YIPF6: variants seen among roughly 807,000 people sequenced by gnomAD.
YIPF6 encodes protein YIPF6.
Under a neutral mutation model 16.8 loss-of-function variants are expected in YIPF6, and 3 were observed. The ratio of observed to expected loss-of-function variants is 0.18; its 90% confidence interval spans 0.08 to 0.46. YIPF6 has a LOEUF of 0.46. Among genes scored for constraint, YIPF6 ranks in the 20% least tolerant of loss-of-function variants. The pLI is 0.98. For missense variants in YIPF6, 145 were observed against 184.9 expected, an observed-to-expected ratio of 0.78 and a Z score of 1.25; for synonymous variants, 67 against 61.9, an observed-to-expected ratio of 1.08 and a Z score of -0.38.
chrX:68,515,122 C>T (rs1405472869), intron 3 of YIPF6: 1 of 108,645 alleles, frequency 9.2e-6, no homozygotes, highest in Non-Finnish European at 1.9e-5. Context: ...GTCAGGAGAT[C>T]GAGACCATCC....
At position 68,524,101 on chromosome X, in the gene YIPF6, G is replaced by A. The variant is rs1414633698; in HGVS notation, c.592+1184G>A. On this transcript the variant is annotated intron_variant, in intron 6 of 6. Transcript: ENST00000462683. The stretch of plus-strand genomic sequence containing the variant: ...GCAATAGGTGTTCTAAGTGGGAAAT[G>A]GAGATTTATACACAGTACAGTGGGA... Among the ~76,000 whole-genome samples the A allele has an allele frequency of 2.7e-5, 3 of 111,719 alleles. No individual in the cohort carries two copies. In the Admixed American group the frequency reaches 2.9e-4, roughly 11 times the overall value.
At chrX:68,524,171 A>G (rs1021673157) in intron 6 of YIPF6, among the ~76,000 whole-genome samples, 2 of 110,844 alleles carry the variant, frequency 1.8e-5, no homozygotes, top group Non-Finnish European at 3.8e-5. Flanking sequence ...TGTGATGATG[A>G]TGATGATTAG....
chrX:68,522,667 C>T, intron 5 of YIPF6, 93 bp from the exon 6 acceptor site: 1 of 855,298 alleles, frequency 1.2e-6, no homozygotes, highest in African/African-American at 2.1e-5. Context: ...AAGGAGGCAA[C>T]ATTCCGTTAC....
intron 4 of YIPF6, among the ~76,000 whole-genome samples, chrX:68,520,509 A>T (rs1180384627): frequency 8.9e-6 from 1 of 111,740 alleles, no homozygotes; most frequent in Admixed American, 9.6e-5. Context: ...AGTCTCACTC[A>T]GTTACCCAGG....
chrX:68,521,647 T>C (rs1332201339), intron 5 of YIPF6, 150 bp downstream of exon 5: 2 of 539,745 alleles, frequency 3.7e-6, no homozygotes, highest in African/African-American at 4.9e-5. Flanking sequence ...GATCATGGCT[T>C]ACTGCAGCCT....
chrX:68,499,935 C>T (rs180901050), intron 1 of YIPF6, among the ~76,000 whole-genome samples: 186 of 112,351 alleles, frequency 1.7e-3, no homozygotes, highest in Non-Finnish European at 2.5e-3. Context: ...CCACTGTGCC[C>T]GGCCATCTTC....
At chrX:68,522,422 G>A (rs1011207656) in intron 5 of YIPF6, among the ~76,000 whole-genome samples, 6 of 109,534 alleles carry the variant, frequency 5.5e-5, no homozygotes, top group African/African-American at 2.0e-4. Flanking sequence ...TCAGCCTCCT[G>A]AGTAGCTGGG....
intron 3 of YIPF6, among the ~76,000 whole-genome samples, chrX:68,517,357 G>A (rs938063656): frequency 9.0e-6 from 1 of 110,834 alleles, no homozygotes; most frequent in African/African-American, 3.3e-5. Flanking sequence ...ATGTTGCCCA[G>A]GCAGGTCTCA....
rs1383854756 is a variant in YIPF6, at chrX:68,536,880, A to C, written c.*4881A>C. ...ATTCTCCCAGAGGGATGGTTAATGC[A>C]TCACAATTTAACTTGTCTATTCAGG... On this transcript the variant is annotated 3_prime_UTR_variant, in exon 7 of 7. Transcript: ENST00000462683. The C allele has an allele frequency of 8.9e-6, 1 of 112,407 alleles. No individual in the cohort carries two copies. The highest frequency in any genetic ancestry group is 3.2e-5 in the African/African-American group (1 of 30,917). The allele number at this position is 112,407 out of a possible 1,213,427, so 9.3% of individuals were successfully genotyped here. A position where few individuals can be genotyped will look rare whatever the true frequency, so the allele number is the denominator to read the frequency against.
chrX:68,513,503 C>T (rs1453668824), intron 3 of YIPF6, 98 bp downstream of exon 3: 1 of 457,677 alleles, frequency 2.2e-6, no homozygotes, highest in Admixed American at 5.8e-5. Context: ...ATAAAACTGA[C>T]ATCATTTTGT....
intron 2 of YIPF6, among the ~76,000 whole-genome samples, 193 bp downstream of exon 2, chrX:68,512,170 C>A (rs1351832091): frequency 8.9e-6 from 1 of 111,917 alleles, no homozygotes; most frequent in Non-Finnish European, 1.9e-5. Flanking sequence ...TATTAATAAT[C>A]TTAAAACAGC....
chrX:68,507,759 T>A (rs979336320), intron 1 of YIPF6, among the ~76,000 whole-genome samples: 11 of 110,050 alleles, frequency 1.0e-4, no homozygotes, highest in African/African-American at 3.3e-4. Context: ...CCTGCCACCA[T>A]GCCCAGCTAA....
Position 68,535,270 on chromosome X carries a change from T to C in YIPF6, c.*3271T>C, listed in dbSNP as rs1043513704. The C allele has an allele frequency of 1.1e-4, 12 of 112,416 alleles. No homozygotes were observed. The highest frequency in any genetic ancestry group is 3.9e-4 in the African/African-American group (12 of 30,942). The allele number at this position is 112,416 out of a possible 1,213,427, so 9.3% of individuals were successfully genotyped here. A position where few individuals can be genotyped will look rare whatever the true frequency, so the allele number is the denominator to read the frequency against. On this transcript the variant is annotated 3_prime_UTR_variant, in exon 7 of 7. Transcript: ENST00000462683. ...ATAAACAGTATCTCCCAAAATGTGA[T>C]TAGAAGGCTACCAAGCCTGTATTTG...
At chrX:68,511,646 T>C (rs1048478541) in intron 1 of YIPF6, among the ~76,000 whole-genome samples, 5 of 112,457 alleles carry the variant, frequency 4.4e-5, no homozygotes, top group African/African-American at 1.6e-4. Flanking sequence ...TTTACTTTAG[T>C]TTTTTCATTA....
Position 68,528,710 on chromosome X carries a change from A to G in YIPF6, c.593-3171A>G, listed in dbSNP as rs918359161. ...AAAATCTCTCAGAATTTGCTTGTCTATAAAGGATTTTATTTCTCCTTCACT... is the reference window on the plus strand; with the variant it reads ...AAAATCTCTCAGAATTTGCTTGTCTGTAAAGGATTTTATTTCTCCTTCACT... On this transcript the variant is annotated intron_variant, in intron 6 of 6. Transcript: ENST00000462683. 2.7e-5 allele frequency among the ~76,000 whole-genome samples: 3 copies of G among 111,401 alleles called. No homozygotes were observed. The East Asian group carries it at 8.4e-4, about 31-fold the overall frequency.
chrX:68,513,437 A>T, intron 3 of YIPF6, 32 bp downstream of exon 3: 1 of 1,061,062 alleles, frequency 9.4e-7, no homozygotes, highest in Non-Finnish European at 1.3e-6. Flanking sequence ...GGGTTTGCTT[A>T]ATCTATCTCA....
At chrX:68,515,586 C>T (rs1441843367) in intron 3 of YIPF6, among the ~76,000 whole-genome samples, 1 of 111,425 alleles carries the variant, frequency 9.0e-6, no homozygotes, top group Middle Eastern at 4.2e-3. Context: ...GGCATTAACA[C>T]GCATGAAACT....
rs770147990 is a variant in YIPF6, at chrX:68,511,956, T to A, written c.165T>A (p.Asn55Lys). 5 of 1,207,859 alleles carry A rather than the reference T, an allele frequency of 4.1e-6. No individual in the cohort carries two copies. The African/African-American group carries it at 8.8e-5, about 21-fold the overall frequency. Residue 55 changes from asparagine to lysine, a missense_variant, in exon 2 of 7, where the codon AAT becomes AAA. Coordinates refer to ENST00000462683, the MANE Select transcript of YIPF6 (RefSeq NM_173834.4). ...RIREFDSSTLNESVRNTIMRD... is the reference protein window; with the variant it reads ...RIREFDSSTLKESVRNTIMRD... Reference sequence around the variant, plus strand: ...GGGAGTTTGACAGCTCCACATTAAATGAATCTGTTCGCAATACCATCGTAA... The same window carrying A: ...GGGAGTTTGACAGCTCCACATTAAAAGAATCTGTTCGCAATACCATCGTAA...
chrX:68,508,502 A>G (rs755017169), intron 1 of YIPF6, among the ~76,000 whole-genome samples: 1 of 111,815 alleles, frequency 8.9e-6, no homozygotes, highest in Non-Finnish European at 1.9e-5. Context: ...TAGATACTCT[A>G]TTCTTTTTTC....
Sources: allele counts gnomAD v4.1 joint callset (sites outside exome capture counted in the v4.1 genomes callset), GRCh38; gene constraint gnomAD v4.1.1; transcripts MANE v1.5; gene names NCBI Gene and HGNC (gene_info 2026-07-23, HGNC 2026-07-21).